The following IGF1 variants were observed in gnomAD, a reference collection of about 807,000 sequenced individuals.
IGF1 encodes the protein insulin like growth factor 1.
In IGF1, 4 loss-of-function variants were observed where a neutral mutation model predicts 13.8. The observed-to-expected ratio is 0.29, with a 90% CI of 0.14 to 0.66. The LOEUF (loss-of-function observed/expected upper bound fraction) is 0.66, where lower values mean the gene tolerates loss of function less well. Ranked by LOEUF, IGF1 falls within the 30% of genes least tolerant of loss-of-function variation. The pLI, the probability that IGF1 is intolerant of heterozygous loss-of-function variation, is 0.78. For synonymous variants in IGF1, 76 were observed against 72.6 expected (o/e 1.05, Z -0.23); for missense variants, 124 against 188.5 (o/e 0.66, Z 2.00).
At chr12:102,409,122 T>A (rs1874417156) in intron 3 of IGF1, among the ~76,000 whole-genome samples, 1 of 152,210 alleles carries the variant, frequency 6.6e-6, no homozygotes, top group South Asian at 2.1e-4. Flanking sequence ...AGCACCTACA[T>A]CACAGTGGTG....
At chr12:102,441,922 C>CTTCTTCTTCTTCTTCTTCTTCTTCTTCTT (rs1217936170) in intron 2 of IGF1, among the ~76,000 whole-genome samples, 2 of 122,448 alleles carry the variant, frequency 1.6e-5, no homozygotes, top group African/African-American at 6.2e-5. Context: ...TCTCCTTCTT[C>CTTCTTCTTCTTCTTCTTCTTCTTCTTCTT]TTCTTCTTCT....
intron 2 of IGF1, among the ~76,000 whole-genome samples, chr12:102,470,063 A>C (rs1470812161): frequency 6.6e-6 from 1 of 152,242 alleles, no homozygotes; most frequent in African/African-American, 2.4e-5. Flanking sequence ...AATTGATCTC[A>C]GAAGAGAATA....
At chr12:102,472,923 A>C (rs1880777470) in intron 2 of IGF1, among the ~76,000 whole-genome samples, 1 of 152,200 alleles carries the variant, frequency 6.6e-6, no homozygotes, top group Non-Finnish European at 1.5e-5. Context: ...TAACTAGATA[A>C]CCATGAGGTG....
chr12:102,419,044 C>T (rs1415250471), intron 3 of IGF1, among the ~76,000 whole-genome samples: 1 of 152,234 alleles, frequency 6.6e-6, no homozygotes, highest in Non-Finnish European at 1.5e-5. Flanking sequence ...TTATGGCAGA[C>T]ATTAACGATG....
intron 3 of IGF1, among the ~76,000 whole-genome samples, chr12:102,405,977 G>T (rs868288827): frequency 1.3e-5 from 2 of 152,198 alleles, no homozygotes; most frequent in Admixed American, 6.5e-5. Flanking sequence ...AAGTCTGAGC[G>T]GAGGGATTCC....
chr12:102,478,308 A>AG (rs1881194346), intron 1 of IGF1, among the ~76,000 whole-genome samples: 1 of 152,056 alleles, frequency 6.6e-6, no homozygotes, highest in Non-Finnish European at 1.5e-5. Context: ...GAAAGACATG[A>AG]GAAAAAAAGA....
chr12:102,437,177 C>A (rs1393495163), intron 2 of IGF1, among the ~76,000 whole-genome samples: 1 of 152,242 alleles, frequency 6.6e-6, no homozygotes, highest in Non-Finnish European at 1.5e-5. Context: ...AACGGGGCAT[C>A]CCCAGGGCTG....
chr12:102,472,052 C>T (rs949068022), intron 2 of IGF1, among the ~76,000 whole-genome samples: 4 of 152,098 alleles, frequency 2.6e-5, no homozygotes, highest in South Asian at 4.1e-4. Context: ...GTAAGAAAAT[C>T]GCTAGCTCCT....
intron 2 of IGF1, among the ~76,000 whole-genome samples, chr12:102,447,590 C>G (rs1878470351): frequency 6.6e-6 from 1 of 152,078 alleles, no homozygotes; most frequent in Non-Finnish European, 1.5e-5. Context: ...TTCCTTCAAC[C>G]CTTTATTTCG....
chr12:102,418,143 G>T, intron 3 of IGF1: 1 of 806,782 alleles, frequency 1.2e-6, no homozygotes, highest in Non-Finnish European at 1.8e-6. Context: ...TCAGTCACAA[G>T]ACCCACCATT....
intron 2 of IGF1, among the ~76,000 whole-genome samples, chr12:102,450,486 A>C (rs1022640324): frequency 2.6e-5 from 4 of 152,228 alleles, no homozygotes; most frequent in African/African-American, 9.6e-5. Context: ...TGGATGCCCA[A>C]TTGCTCTGGG....
chr12:102,475,916 C>G, intron 1 of IGF1, 117 bp from the exon 2 acceptor site: 1 of 1,096,176 alleles, frequency 9.1e-7, no homozygotes, highest in Non-Finnish European at 1.4e-6. Flanking sequence ...TCAGGACTAC[C>G]CAGCACAGAA....
At chr12:102,460,549 C>T (rs1879819586) in intron 2 of IGF1, among the ~76,000 whole-genome samples, 1 of 152,114 alleles carries the variant, frequency 6.6e-6, no homozygotes, top group Non-Finnish European at 1.5e-5. Context: ...TTAAATTGGG[C>T]AGAGCTATAA....
At chr12:102,417,400 G>T in intron 3 of IGF1, 1 of 329,232 alleles carries the variant, frequency 3.0e-6, no homozygotes, top group Non-Finnish European at 4.3e-6. Flanking sequence ...GAGCATTTGG[G>T]GCTAATATTT....
intron 1 of IGF1, 113 bp downstream of exon 1, chr12:102,480,206 C>G (rs1881320140): frequency 9.8e-7 from 1 of 1,020,844 alleles, no homozygotes. Flanking sequence ...ATAAATAACT[C>G]TCGGTTCCGA....
chr12:102,424,622 AAGAT>A (rs1412118895), intron 2 of IGF1, among the ~76,000 whole-genome samples: 1 of 152,212 alleles, frequency 6.6e-6, no homozygotes, highest in Non-Finnish European at 1.5e-5. Flanking sequence ...AAAATTGTAT[AAGAT>A]ATGAATAATC....
intron 3 of IGF1, among the ~76,000 whole-genome samples, chr12:102,406,128 G>T (rs1874134653): frequency 6.6e-6 from 1 of 152,192 alleles, no homozygotes. Context: ...AACCAGCTGG[G>T]ATATCGTCTG....
intron 3 of IGF1, among the ~76,000 whole-genome samples, chr12:102,406,708 C>T (rs923122239): frequency 3.3e-5 from 5 of 152,010 alleles, no homozygotes; most frequent in Admixed American, 2.0e-4. Context: ...TAGAAAAGGC[C>T]CTGAAGAGGC....
chr12:102,462,412 A>C (rs527338527), intron 2 of IGF1, among the ~76,000 whole-genome samples: 2 of 152,324 alleles, frequency 1.3e-5, no homozygotes, highest in South Asian at 2.1e-4. Flanking sequence ...CTAAGTGGCC[A>C]GTGTCTACTT....
Sources: allele counts gnomAD v4.1 joint callset (sites outside exome capture counted in the v4.1 genomes callset), GRCh38; gene constraint gnomAD v4.1.1; transcripts MANE v1.5; gene names NCBI Gene and HGNC (gene_info 2026-07-23, HGNC 2026-07-21).